Variants in CEP128 observed in about 807,000 individuals in gnomAD.
CEP128 encodes centrosomal protein 128, also known as centrosomal protein 128kDa.
Under a neutral mutation model 156.7 loss-of-function variants are expected in CEP128, and 132 were observed. The ratio of observed to expected loss-of-function variants is 0.84; its 90% CI spans 0.73 to 0.97. The LOEUF (loss-of-function observed/expected upper bound fraction) is 0.97. Among genes scored for constraint, CEP128 ranks in the 50% least tolerant of loss-of-function variants. The pLI is 0.00. For missense variants in CEP128, 1,252 were observed against 1,281.9 expected, an observed-to-expected ratio of 0.98 and a Z score of 0.36; for synonymous variants, 469 against 448.9, an observed-to-expected ratio of 1.04 and a Z score of -0.57.
intron 18 of CEP128, among the ~76,000 whole-genome samples, chr14:80,752,677 T>C (rs1041449796): frequency 1.3e-4 from 20 of 152,200 alleles, no homozygotes; most frequent in African/African-American, 4.8e-4. Context: ...ATGTAAGGTT[T>C]ATATTCAAGT....
chr14:80,698,693 C>T (rs1389818731), intron 19 of CEP128, among the ~76,000 whole-genome samples: 1 of 151,912 alleles, frequency 6.6e-6, no homozygotes, highest in Non-Finnish European at 1.5e-5. Context: ...TTCTGTGGCG[C>T]ATATGGGAAA....
At chr14:80,533,638 G>A (rs1446858379) in intron 21 of CEP128, among the ~76,000 whole-genome samples, 1 of 151,888 alleles carries the variant, frequency 6.6e-6, no homozygotes, top group African/African-American at 2.4e-5. Flanking sequence ...TCTTTTCTCA[G>A]TGCAGTTATT....
intron 19 of CEP128, among the ~76,000 whole-genome samples, chr14:80,673,784 TTC>T (rs750554310): frequency 1.5e-4 from 23 of 151,674 alleles, no homozygotes; most frequent in Non-Finnish European, 2.1e-4. Flanking sequence ...TCTTTTCTCT[TTC>T]TCTCTCTCTC....
intron 19 of CEP128, among the ~76,000 whole-genome samples, chr14:80,699,530 A>G (rs913706461): frequency 2.0e-5 from 3 of 152,166 alleles, no homozygotes; most frequent in Non-Finnish European, 4.4e-5. Context: ...TATGAACAAA[A>G]TTATTGACAT....
Position 80,785,191 on chromosome 14 carries a change from C to A in CEP128, c.1915G>T (p.Asp639Tyr), listed in dbSNP as rs1218080566. The A allele has an allele frequency of 6.2e-7, 1 of 1,614,202 alleles. No homozygotes were observed. The highest frequency in any genetic ancestry group is 2.2e-5 in the East Asian group (1 of 44,884). The change falls in exon 15 of 25, where the codon GAC becomes TAC. Residue 639 changes from aspartate (D) to tyrosine (Y), a missense_variant. Coordinates refer to ENST00000555265, the MANE Select transcript of CEP128 (RefSeq NM_152446.5). Reference sequence around the variant, plus strand: ...AGATCTGCTCGGATGGCACTCAGGTCCTTGATGGACTCTTGCATCTCAAGA... The same window carrying A: ...AGATCTGCTCGGATGGCACTCAGGTACTTGATGGACTCTTGCATCTCAAGA... The part of the protein sequence containing the change: ...KLLEMQESIK[D>Y]LSAIRADLAN...
intron 12 of CEP128, among the ~76,000 whole-genome samples, chr14:80,832,945 T>C (rs181650932): frequency 3.4e-4 from 52 of 152,308 alleles, no homozygotes; most frequent in Non-Finnish European, 5.9e-4. Flanking sequence ...ATGATTTCTG[T>C]CATAACTACT....
At chr14:80,946,293 GA>G (rs1454204699), upstream of CEP128, among the ~76,000 whole-genome samples, 3 of 135,722 alleles carry the variant, frequency 2.2e-5, no homozygotes, top group African/African-American at 1.0e-4. Context: ...TTAGAACAAA[GA>G]ATTTATTAAT....
intron 20 of CEP128, among the ~76,000 whole-genome samples, chr14:80,577,773 T>C (rs1277138719): frequency 6.6e-6 from 1 of 152,170 alleles, no homozygotes; most frequent in East Asian, 1.9e-4. Context: ...ATACCGAAGG[T>C]AAAGTCCAAA....
intron 19 of CEP128, among the ~76,000 whole-genome samples, chr14:80,664,732 G>T (rs963903790): frequency 6.6e-6 from 1 of 152,176 alleles, no homozygotes; most frequent in African/African-American, 2.4e-5. Context: ...TGACTACAGT[G>T]TGACTGCAGG....
intron 19 of CEP128, among the ~76,000 whole-genome samples, chr14:80,647,126 TACACACACACAC>T (rs1303390846): frequency 3.4e-5 from 3 of 88,100 alleles, no homozygotes; most frequent in South Asian, 4.9e-4. Flanking sequence ...CACACACACA[TACACACACACAC>T]ACACACACAC....
In CEP128 at chr14:80,792,795, C is replaced by G; in HGVS notation, c.1525G>C (p.Glu509Gln). 1 of 1,614,128 alleles carries G rather than the reference C, an allele frequency of 6.2e-7. No homozygotes were observed. Among genetic ancestry groups the G allele is most frequent in the Non-Finnish European group, 8.5e-7 (1 of 1,180,002 alleles). The change falls in exon 14 of 25, where the codon GAA becomes CAA. Residue 509 changes from glutamate to glutamine, a missense_variant. Coordinates refer to ENST00000555265, the MANE Select transcript of CEP128 (RefSeq NM_152446.5). ...KLERALEKQSETVDELTGKNN... is the reference protein window; with the variant it reads ...KLERALEKQSQTVDELTGKNN... Reference sequence around the variant, plus strand: ...TTGCCTGTCAGTTCATCAACAGTTTCAGATTGTTTCTCCAACGCTCGTTCT... The same window carrying G: ...TTGCCTGTCAGTTCATCAACAGTTTGAGATTGTTTCTCCAACGCTCGTTCT...
intron 19 of CEP128, among the ~76,000 whole-genome samples, chr14:80,677,040 T>C (rs1896090671): frequency 6.6e-6 from 1 of 152,176 alleles, no homozygotes; most frequent in Non-Finnish European, 1.5e-5. Flanking sequence ...TGAAAAAGCA[T>C]TACATCTAAT....
intron 18 of CEP128, among the ~76,000 whole-genome samples, chr14:80,756,302 T>C (rs1052134839): frequency 4.6e-5 from 7 of 152,184 alleles, no homozygotes; most frequent in African/African-American, 1.7e-4. Flanking sequence ...TTTCATTTTC[T>C]TGTTAAGAAT....
At chr14:80,678,049 A>AAAATATATATATATATATACATATGT in intron 19 of CEP128, among the ~76,000 whole-genome samples, 1 of 98,502 alleles carries the variant, frequency 1.0e-5, no homozygotes, top group African/African-American at 3.2e-5. Context: ...ATAAAAAAAA[A>AAAATATATATATATATATACATATGT]ATATATATAT....
chr14:80,700,995 TTGGCATGTGAA>T (rs1396823162), intron 19 of CEP128, among the ~76,000 whole-genome samples: 1 of 152,138 alleles, frequency 6.6e-6, no homozygotes, highest in Non-Finnish European at 1.5e-5. Flanking sequence ...ACAAGATTGT[TTGGCATGTGAA>T]TTGATTTTCC....
intron 23 of CEP128, among the ~76,000 whole-genome samples, chr14:80,506,859 T>C (rs1888000957): frequency 6.6e-6 from 1 of 151,982 alleles, no homozygotes; most frequent in South Asian, 2.1e-4. Flanking sequence ...ATAGTTAGGG[T>C]ATTTTCCCAT....
chr14:80,832,614 A>G (rs1263665960), intron 12 of CEP128, among the ~76,000 whole-genome samples: 1 of 152,216 alleles, frequency 6.6e-6, no homozygotes, highest in Non-Finnish European at 1.5e-5. Context: ...CTCAGTGAGG[A>G]ACTAAAGTAG....
intron 23 of CEP128, chr14:80,526,604 A>C (rs1888983240): frequency 3.9e-6 from 1 of 257,946 alleles, no homozygotes; most frequent in Admixed American, 4.9e-5. Flanking sequence ...CTTGGCTCTT[A>C]AGCAGCACCA....
At chr14:80,602,172 ACAG>A (rs1374789638) in intron 19 of CEP128, among the ~76,000 whole-genome samples, 2 of 152,238 alleles carry the variant, frequency 1.3e-5, no homozygotes, top group Non-Finnish European at 2.9e-5. Flanking sequence ...GCAAATAACA[ACAG>A]AGTCTCAAAA....
Sources: gnomAD v4.1 joint callset for allele counts (sites outside exome capture counted in the v4.1 genomes callset) on GRCh38, gnomAD v4.1.1 for gene constraint, MANE v1.5 for transcripts, NCBI Gene and HGNC (gene_info 2026-07-23, HGNC 2026-07-21) for gene names.